Variants in USP54 observed in about 807,000 individuals in gnomAD.
The protein encoded by USP54 is ubiquitin carboxyl-terminal hydrolase 54.
A neutral mutation model predicts 170.5 loss-of-function variants in USP54; 87 were observed. The ratio of observed to expected loss-of-function variants is 0.51; its 90% CI spans 0.43 to 0.61. The LOEUF (loss-of-function observed/expected upper bound fraction) is 0.61, where lower values mean the gene tolerates loss of function less well. USP54 is among the 20% of genes least tolerant of loss of function. USP54 has a pLI of 0.00. For synonymous variants in USP54, 655 were observed against 742.8 expected (o/e 0.88, Z 1.92); for missense variants, 1,786 against 2,047.8 (o/e 0.87, Z 2.47).
chr10:73,543,787 G>C (rs2067139006), intron 5 of USP54, among the ~76,000 whole-genome samples: 1 of 152,120 alleles, frequency 6.6e-6, no homozygotes, highest in Non-Finnish European at 1.5e-5. Context: ...ATTTTATCAA[G>C]ATATAGACCA....
intron 4 of USP54, among the ~76,000 whole-genome samples, chr10:73,555,916 T>TA (rs961906517): frequency 3.3e-5 from 5 of 151,936 alleles, no homozygotes; most frequent in African/African-American, 4.8e-5. Context: ...CTCCAAATTT[T>TA]AAAAAAAAGC....
At chr10:73,613,445 A>AT (rs557903103) in intron 1 of USP54, among the ~76,000 whole-genome samples, 4,884 of 144,726 alleles carry the variant, frequency 0.034, 135 homozygotes, top group Non-Finnish European at 0.049. Flanking sequence ...GCCTACCACC[A>AT]TTTTTTTTTT....
rs200976167 is a variant in USP54 at position 73,541,459 on chromosome 10, C to T, written c.741G>A (p.Thr247=). Residue 247 remains threonine, a synonymous_variant, in exon 9 of 24, where the codon ACG becomes ACA. Transcript: ENST00000687698. ...RVLMNAPQII[T]IGLVWDSDHS... is the part of the protein sequence containing the mutation. ...GGTCTGAGTCCCATACCAGCCCAAT[C>T]GTGATAATCTGTGGAGCATTCATCA... The T allele has an allele frequency of 3.2e-3, 5,197 of 1,614,188 alleles. 8 individuals are homozygous for T. The highest frequency in any genetic ancestry group is 4.1e-3 in the Non-Finnish European group (4,829 of 1,180,032).
chr10:73,529,405 T>G (rs2063565059), intron 15 of USP54: 1 of 444,462 alleles, frequency 2.2e-6, no homozygotes, highest in Admixed American at 3.4e-5. Flanking sequence ...TGACACAAGT[T>G]TATCCTAACA....
intron 4 of USP54, among the ~76,000 whole-genome samples, chr10:73,550,212 C>T (rs2068922898): frequency 6.6e-6 from 1 of 152,180 alleles, no homozygotes; most frequent in Non-Finnish European, 1.5e-5. Flanking sequence ...GCGTGGGCCA[C>T]CACGCCCAGC....
intron 1 of USP54, among the ~76,000 whole-genome samples, chr10:73,589,970 C>T (rs986090579): frequency 6.6e-6 from 1 of 152,198 alleles, no homozygotes; most frequent in Admixed American, 6.5e-5. Context: ...CTACCACTTA[C>T]AATTGAGTGA....
chr10:73,622,761 TG>T (rs2081193618), intron 1 of USP54, among the ~76,000 whole-genome samples: 1 of 151,970 alleles, frequency 6.6e-6, no homozygotes, highest in African/African-American at 2.4e-5. Context: ...GAGATCAGCA[TG>T]GGCAACATAG....
Position 73,542,746 on chromosome 10 carries a change from A to G in USP54, c.572+57T>C, listed in dbSNP as rs1041042992. On this transcript the variant is annotated intron_variant, in intron 7 of 23. Transcript: ENST00000687698. ...ACTCTGTCTCAAAAAAAAAAAAAAA[A>G]GTCCAATCAACTGGAGGAATGCCTA... 287 of 1,507,044 alleles carry G rather than the reference A, an allele frequency of 1.9e-4. 2 individuals carry two copies. In the South Asian group the frequency reaches 3.3e-3, roughly 18 times the overall value. 93.4% of individuals were successfully genotyped at this position (1,507,044 alleles called of 1,614,324 possible).
chr10:73,509,337 C>T (rs1011710801), intron 20 of USP54, among the ~76,000 whole-genome samples: 8 of 151,180 alleles, frequency 5.3e-5, no homozygotes, highest in Non-Finnish European at 1.0e-4. Context: ...TGCAGTGGCT[C>T]ATGCCTGTAA....
In USP54 at chr10:73,625,317, G is replaced by A. The variant is rs563721329; in HGVS notation, c.-18+250C>T. Among the ~76,000 whole-genome samples, 4 of 148,456 alleles carry A rather than the reference G, an allele frequency of 2.7e-5. 1 individual carries two copies. In the South Asian group the frequency reaches 8.5e-4, roughly 32 times the overall value. The stretch of plus-strand genomic sequence containing the variant: ...CTTCCCAACTAATACTAGTTCACCA[G>A]GACTCTCCGTTCGCATCTCAAGAGT... On this transcript the variant is annotated intron_variant, in intron 1 of 22. Coordinates refer to the USP54 transcript ENST00000339859.
At position 73,499,163 on chromosome 10, in the gene USP54, A is replaced by G; in HGVS notation, c.4521T>C (p.Phe1507=). 1.2e-6 allele frequency: 2 copies of G among 1,612,184 alleles called. 1 individual carries two copies. The highest frequency in any genetic ancestry group is 2.2e-5 in the South Asian group (2 of 90,856). ...LPGTSRSVQQ[F]LAMCDRGETS... ...TTTCACCCCTGTCACACATAGCCAG[A>G]AACTGCTGGACACTCCTTGAAGTTC... Residue 1507 remains phenylalanine, a synonymous_variant, in exon 24 of 24, where the codon TTT becomes TTC. Coordinates refer to ENST00000687698, the MANE Select transcript of USP54 (RefSeq NM_001391956.1).
At chr10:73,618,002 G>C (rs1176989910) in intron 1 of USP54, among the ~76,000 whole-genome samples, 1 of 150,418 alleles carries the variant, frequency 6.6e-6, no homozygotes, top group Non-Finnish European at 1.5e-5. Context: ...TCTGAGGTCA[G>C]GAGTTCGAGA....
At position 73,516,992 on chromosome 10, in the gene USP54, C is replaced by G; in HGVS notation, c.3434G>C (p.Arg1145Thr). The stretch of plus-strand genomic sequence containing the variant: ...TCTATCCTTGAAACCTGTACTATCC[C>G]TCATGGAGACACCCTGCATCCTCTG... ...QFQRMQGVSM[R>T]DSTGFKDRSL... Residue 1145 changes from arginine to threonine, a missense_variant, in exon 20 of 24, where the codon AGG (arginine) becomes ACG (threonine). Arg to Thr is a moderately conservative substitution (Grantham distance 71). Coordinates refer to ENST00000687698, the MANE Select transcript of USP54 (RefSeq NM_001391956.1). 6.2e-7 allele frequency: 1 copy of G among 1,614,236 alleles called. No homozygotes were observed. Among genetic ancestry groups the G allele is most frequent in the Non-Finnish European group, 8.5e-7 (1 of 1,180,038 alleles).
At chr10:73,582,911 G>A (rs1274208918) in intron 1 of USP54, among the ~76,000 whole-genome samples, 1 of 152,124 alleles carries the variant, frequency 6.6e-6, no homozygotes, top group Non-Finnish European at 1.5e-5. Context: ...CCTTAACCAA[G>A]TGATCAAGGT....
chr10:73,535,584 G>C (rs1036695310), intron 11 of USP54, among the ~76,000 whole-genome samples: 1 of 152,120 alleles, frequency 6.6e-6, no homozygotes, highest in Admixed American at 6.6e-5. Flanking sequence ...GATTCTGTGA[G>C]CTACCCTAGA....
intron 4 of USP54, among the ~76,000 whole-genome samples, chr10:73,568,435 T>C (rs2074325339): frequency 6.6e-6 from 1 of 152,132 alleles, no homozygotes. Flanking sequence ...CATCCACACT[T>C]CCAAATTAGT....
Position 73,536,291 on chromosome 10 carries a change from T to G in USP54, c.1122A>C (p.Thr374=), listed in dbSNP as rs764826336. The G allele has an allele frequency of 5.6e-6, 9 of 1,614,164 alleles. No homozygotes were observed. The South Asian group carries it at 9.9e-5, about 18-fold the overall frequency. The change falls in exon 11 of 24, where the codon ACA becomes ACC. Residue 374 remains threonine, a synonymous_variant. Coordinates refer to ENST00000687698, the MANE Select transcript of USP54 (RefSeq NM_001391956.1). ...PQAEFQSYSR[T]CYDSEDSGRE... is the part of the protein sequence containing the mutation. ...CACCTGAATCTTCACTGTCGTAGCA[T>G]GTCCTGCTGTATGACTGGAACTCAG...
chr10:73,519,587 G>T, intron 19 of USP54: 1 of 700,656 alleles, frequency 1.4e-6, no homozygotes, highest in Non-Finnish European at 2.3e-6. Flanking sequence ...GTCTTATTAT[G>T]CTGTACTTTT....
In USP54 at chr10:73,520,821, T is replaced by G. The variant is rs1190266634; in HGVS notation, c.2482+87A>C. ...AAGAGTGAGGAGACACAAAAACTGT[T>G]TTTATCCTGTCTGAGTGACAACACT... On this transcript the variant is annotated intron_variant, in intron 18 of 23. Transcript: ENST00000687698. 5 of 1,583,176 alleles carry G rather than the reference T, an allele frequency of 3.2e-6. No homozygotes were observed. In the Admixed American group the frequency reaches 8.6e-5, roughly 27 times the overall value.
Sources: gnomAD v4.1 joint callset for allele counts (sites outside exome capture counted in the v4.1 genomes callset) on GRCh38, gnomAD v4.1.1 for gene constraint, MANE v1.5 for transcripts, NCBI Gene and HGNC (gene_info 2026-07-23, HGNC 2026-07-21) for gene names.